PSD3: variants seen among roughly 807,000 people sequenced by gnomAD.
The protein encoded by PSD3 is pleckstrin and Sec7 domain containing 3.
Under a neutral mutation model 105.5 loss-of-function variants are expected in PSD3, and 49 were observed. The ratio of observed to expected loss-of-function variants is 0.46; its 90% CI spans 0.37 to 0.59. The LOEUF (loss-of-function observed/expected upper bound fraction) is 0.59, where lower values mean the gene tolerates loss of function less well. Among genes scored for constraint, PSD3 ranks in the 20% least tolerant of loss-of-function variants. The probability of loss-of-function intolerance (pLI) is 0.00; values close to 1 mark genes in which losing one functional copy is unlikely to be tolerated. For synonymous variants in PSD3, 557 were observed against 457.8 expected, an observed-to-expected ratio of 1.22 and a Z score of -2.77; for missense variants, 1,561 against 1,263.8, an observed-to-expected ratio of 1.24 and a Z score of -3.57.
intron 2 of PSD3, among the ~76,000 whole-genome samples, chr8:18,918,613 A>G (rs538531747): frequency 2.4e-4 from 37 of 152,362 alleles, no homozygotes; most frequent in Non-Finnish European, 4.4e-4. Context: ...ACTAATAAAC[A>G]AAAAACTAGG....
intron 9 of PSD3, among the ~76,000 whole-genome samples, chr8:18,761,184 AAAGGT>A (rs1316675018): frequency 2.6e-5 from 4 of 152,182 alleles, no homozygotes; most frequent in Admixed American, 2.6e-4. Flanking sequence ...AACAAGGTAA[AAAGGT>A]AAGGGTTAAG....
At chr8:18,894,146 T>C (rs1818991880) in intron 2 of PSD3, among the ~76,000 whole-genome samples, 2 of 152,198 alleles carry the variant, frequency 1.3e-5, no homozygotes, top group Non-Finnish European at 2.9e-5. Flanking sequence ...TACATTACCA[T>C]GTGATTTGGG....
upstream of PSD3, among the ~76,000 whole-genome samples, chr8:19,018,294 T>C (rs539936377): frequency 1.3e-5 from 2 of 152,130 alleles, no homozygotes; most frequent in Non-Finnish European, 2.9e-5. Context: ...GTTTCTTTCA[T>C]ATATAACTGT....
chr8:18,870,823 G>A lies in PSD3; in HGVS notation c.1238+803C>T, dbSNP rs550399423. Among the ~76,000 whole-genome samples the A allele has an allele frequency of 3.3e-5, 5 of 152,198 alleles. No homozygotes were observed. In the East Asian group the frequency reaches 5.8e-4, roughly 18 times the overall value. On this transcript the variant is annotated intron_variant, in intron 3 of 15. Coordinates refer to ENST00000327040, the MANE Select transcript of PSD3 (RefSeq NM_015310.4). Reference sequence around the variant, plus strand: ...TCATTTCAAAACATAGGAAGGGCCCGGCACAGTGGCTCACACCTGTAATCC... The same window carrying A: ...TCATTTCAAAACATAGGAAGGGCCCAGCACAGTGGCTCACACCTGTAATCC...
At chr8:19,013,879 G>A (rs903604228), upstream of PSD3, among the ~76,000 whole-genome samples, 8 of 150,570 alleles carry the variant, frequency 5.3e-5, no homozygotes, top group Middle Eastern at 6.9e-3. Context: ...CCTCGGGGAG[G>A]GGGGAGGTGG....
At chr8:19,009,157 G>A (rs1402663485) in intron 1 of PSD3, among the ~76,000 whole-genome samples, 1 of 152,144 alleles carries the variant, frequency 6.6e-6, no homozygotes, top group Admixed American at 6.5e-5. Context: ...TGTTGTTGTT[G>A]TTTAATTACA....
intron 9 of PSD3, among the ~76,000 whole-genome samples, chr8:18,760,210 T>A (rs567272950): frequency 1.3e-5 from 2 of 152,194 alleles, no homozygotes; most frequent in Non-Finnish European, 2.9e-5. Context: ...TACTGTACAA[T>A]GATTAAATAA....
intron 1 of PSD3, among the ~76,000 whole-genome samples, chr8:19,046,505 G>T (rs1454928596): frequency 6.6e-6 from 1 of 152,188 alleles, no homozygotes; most frequent in African/African-American, 2.4e-5. Flanking sequence ...AATGAGTTAA[G>T]TTCCCAGCAT....
intron 1 of PSD3, among the ~76,000 whole-genome samples, chr8:18,981,031 C>T (rs552436994): frequency 1.1e-4 from 16 of 152,226 alleles, no homozygotes; most frequent in Admixed American, 8.5e-4. Context: ...GAGTTATTTG[C>T]ACCCTGGCTC....
chr8:19,008,336 C>T (rs1563505630), intron 1 of PSD3, among the ~76,000 whole-genome samples: 1 of 152,190 alleles, frequency 6.6e-6, no homozygotes, highest in African/African-American at 2.4e-5. Flanking sequence ...CTTGTAGGGA[C>T]ATGAAGGCAG....
chr8:18,595,034 T>C (rs1011853565), intron 12 of PSD3, among the ~76,000 whole-genome samples: 4 of 151,882 alleles, frequency 2.6e-5, no homozygotes, highest in East Asian at 3.9e-4. Context: ...AACTCTGGTA[T>C]AGAAATTTTA....
At chr8:18,800,687 C>T (rs1810599047) in intron 7 of PSD3, among the ~76,000 whole-genome samples, 1 of 151,522 alleles carries the variant, frequency 6.6e-6, no homozygotes, top group Non-Finnish European at 1.5e-5. Context: ...GTGTAATATG[C>T]ATAACCTCAT....
intron 11 of PSD3, among the ~76,000 whole-genome samples, chr8:18,607,701 C>A (rs12549448): frequency 0.61 from 58,022 of 94,908 alleles, 15,875 homozygotes; most frequent in East Asian, 0.77. Flanking sequence ...AAAAACAAAA[C>A]AAAAAAAAAA....
At chr8:18,616,157 G>A (rs1299740002) in intron 11 of PSD3, among the ~76,000 whole-genome samples, 1 of 152,226 alleles carries the variant, frequency 6.6e-6, no homozygotes, top group African/African-American at 2.4e-5. Flanking sequence ...GCCAGAAAAC[G>A]GTCTGCTACA....
At chr8:19,009,898 A>G (rs1488440324) in intron 1 of PSD3, among the ~76,000 whole-genome samples, 8 of 152,190 alleles carry the variant, frequency 5.3e-5, no homozygotes. Flanking sequence ...GTCAACAACA[A>G]CAACAGAAAA....
At chr8:18,549,924 A>C (rs143242998) in intron 15 of PSD3, among the ~76,000 whole-genome samples, 8 of 152,328 alleles carry the variant, frequency 5.3e-5, no homozygotes, top group Non-Finnish European at 7.3e-5. Flanking sequence ...TAATTCACCC[A>C]ATCCCATCTC....
At chr8:18,695,492 C>T (rs1801208262) in intron 9 of PSD3, among the ~76,000 whole-genome samples, 1 of 152,194 alleles carries the variant, frequency 6.6e-6, no homozygotes, top group Admixed American at 6.5e-5. Context: ...CTGTGGATAA[C>T]TTTGATCTAT....
chr8:19,039,380 C>G (rs1014044946), intron 1 of PSD3, among the ~76,000 whole-genome samples: 4 of 152,172 alleles, frequency 2.6e-5, no homozygotes, highest in Non-Finnish European at 5.9e-5. Context: ...AGTGACATCT[C>G]AAGCTCAGCA....
chr8:18,776,677 G>A (rs558395607), intron 8 of PSD3, among the ~76,000 whole-genome samples: 1 of 152,152 alleles, frequency 6.6e-6, no homozygotes, highest in Admixed American at 6.5e-5. Context: ...CATCTGGCCT[G>A]GTTCTTCTTT....
Sources: gnomAD v4.1 joint callset for allele counts (sites outside exome capture counted in the v4.1 genomes callset) on GRCh38, gnomAD v4.1.1 for gene constraint, MANE v1.5 for transcripts, NCBI Gene and HGNC (gene_info 2026-07-23, HGNC 2026-07-21) for gene names.